Variants in SMG6 observed in about 807,000 individuals in gnomAD.
SMG6 encodes telomerase-binding protein EST1A.
Under a neutral mutation model 142.2 loss-of-function variants are expected in SMG6, and 66 were observed. The ratio of observed to expected loss-of-function variants is 0.46; its 90% CI spans 0.38 to 0.57. SMG6 has a LOEUF of 0.57. SMG6 is among the 20% of genes least tolerant of loss of function. The probability of loss-of-function intolerance (pLI) is 0.00; values close to 1 mark genes in which losing one functional copy is unlikely to be tolerated. For missense variants in SMG6, 1,793 were observed against 1,832.0 expected (o/e 0.98, Z 0.39); for synonymous variants, 779 against 702.4 (o/e 1.11, Z -1.72).
At chr17:2,259,673 CAA>C (rs11289865) in intron 8 of SMG6, among the ~76,000 whole-genome samples, 346 of 86,142 alleles carry the variant, frequency 4.0e-3, no homozygotes, top group South Asian at 7.1e-3. Flanking sequence ...ACCCTGTCTC[CAA>C]AAAAAAAAAA....
At chr17:2,184,268 T>C (rs1191698983) in intron 12 of SMG6, among the ~76,000 whole-genome samples, 3 of 147,416 alleles carry the variant, frequency 2.0e-5, no homozygotes, top group African/African-American at 7.6e-5. Context: ...GAGGCTGAGG[T>C]GGGAGAATCA....
intron 13 of SMG6, among the ~76,000 whole-genome samples, chr17:2,157,155 C>G (rs542977534): frequency 1.3e-5 from 2 of 152,274 alleles, no homozygotes; most frequent in African/African-American, 4.8e-5. Flanking sequence ...CAGTCTTACT[C>G]CAGACTGCAC....
chr17:2,129,897 T>G (rs1008183595), intron 13 of SMG6, among the ~76,000 whole-genome samples: 45 of 151,682 alleles, frequency 3.0e-4, no homozygotes, highest in African/African-American at 1.0e-3. Context: ...AGAATTTCTA[T>G]TATTATGGTT....
At chr17:2,233,826 C>T (rs905396205) in intron 10 of SMG6, among the ~76,000 whole-genome samples, 1 of 152,188 alleles carries the variant, frequency 6.6e-6, no homozygotes, top group Non-Finnish European at 1.5e-5. Flanking sequence ...CTCTGCTCGC[C>T]CCTGTCCCAA....
intron 9 of SMG6, among the ~76,000 whole-genome samples, chr17:2,242,452 C>A (rs1263204508): frequency 6.7e-6 from 1 of 149,090 alleles, no homozygotes; most frequent in Non-Finnish European, 1.5e-5. Context: ...ATGGCATGAA[C>A]CCGGGAGGCG....
intron 14 of SMG6, among the ~76,000 whole-genome samples, chr17:2,084,519 T>G (rs953891031): frequency 6.6e-6 from 1 of 152,188 alleles, no homozygotes; most frequent in South Asian, 2.1e-4. Context: ...AAGACTCTGC[T>G]GCTCTCAGGA....
At chr17:2,207,909 TC>T (rs1425801104) in intron 10 of SMG6, among the ~76,000 whole-genome samples, 2 of 152,204 alleles carry the variant, frequency 1.3e-5, no homozygotes, top group African/African-American at 4.8e-5. Flanking sequence ...CTGACCTGCT[TC>T]TGCCTGGCTC....
intron 13 of SMG6, among the ~76,000 whole-genome samples, chr17:2,163,922 T>C (rs1219559616): frequency 1.3e-5 from 2 of 149,418 alleles, no homozygotes; most frequent in Non-Finnish European, 3.0e-5. Context: ...AATTAGCCGG[T>C]GTGGTGGCAG....
At chr17:2,111,188 G>T (rs536197052) in intron 13 of SMG6, among the ~76,000 whole-genome samples, 14 of 142,186 alleles carry the variant, frequency 9.8e-5, no homozygotes, top group African/African-American at 3.8e-4. Flanking sequence ...CAATGCTCCT[G>T]TTCCCATGGA....
At chr17:2,109,705 T>C (rs2069255044) in intron 13 of SMG6, among the ~76,000 whole-genome samples, 1 of 152,234 alleles carries the variant, frequency 6.6e-6, no homozygotes, top group Non-Finnish European at 1.5e-5. Context: ...CTTTGAAGTA[T>C]AGTTTCAGTG....
intron 10 of SMG6, among the ~76,000 whole-genome samples, chr17:2,230,690 C>T (rs770782072): frequency 6.6e-6 from 1 of 152,114 alleles, no homozygotes; most frequent in African/African-American, 2.4e-5. Flanking sequence ...CAGAGAGTGC[C>T]GAGAGCAGTC....
chr17:2,272,278 C>T (rs760064844), intron 8 of SMG6, among the ~76,000 whole-genome samples: 9 of 152,164 alleles, frequency 5.9e-5, no homozygotes, highest in Non-Finnish European at 1.3e-4. Context: ...ACTCTCTTCC[C>T]ACTCTGCCCA....
rs143401803 is a variant in SMG6, at chr17:2,073,860, C to T, written c.3682-4929G>A. Among the ~76,000 whole-genome samples the T allele has an allele frequency of 3.5e-3, 539 of 152,048 alleles. 5 individuals are homozygous for T. The highest frequency in any genetic ancestry group is 0.019 in the East Asian group (99 of 5,098). ...TTGGGAGGCAGAGGTAGGCGGATCA[C>T]TTGAGGTCAGGAGTTTGAGACCAGC... On this transcript the variant is annotated intron_variant, in intron 15 of 18. Transcript: ENST00000263073.
At chr17:2,105,365 G>GT (rs1467939818) in intron 13 of SMG6, among the ~76,000 whole-genome samples, 1 of 151,564 alleles carries the variant, frequency 6.6e-6, no homozygotes, top group Non-Finnish European at 1.5e-5. Context: ...GGCCAACATG[G>GT]TGAAACCCAA....
intron 13 of SMG6, among the ~76,000 whole-genome samples, chr17:2,154,469 T>C (rs1258610964): frequency 6.6e-6 from 1 of 152,198 alleles, no homozygotes; most frequent in Non-Finnish European, 1.5e-5. Flanking sequence ...TTTATGCCCT[T>C]TGTCCTTCAA....
At chr17:2,258,658 G>A (rs542574362) in intron 8 of SMG6, among the ~76,000 whole-genome samples, 2 of 151,644 alleles carry the variant, frequency 1.3e-5, no homozygotes, top group East Asian at 3.9e-4. Flanking sequence ...AATTAGCTGG[G>A]CGTGGTGGTG....
intron 3 of SMG6, 31 bp from the exon 4 acceptor site, chr17:2,297,384 C>T (rs754045256): frequency 6.5e-7 from 1 of 1,534,308 alleles, no homozygotes; most frequent in Non-Finnish European, 8.9e-7. Flanking sequence ...ATGACTGAAT[C>T]AATCTATTCT....
intron 9 of SMG6, chr17:2,240,149 G>A (rs536917777): frequency 1.3e-5 from 2 of 152,126 alleles, no homozygotes; most frequent in African/African-American, 4.8e-5. Context: ...AGATACCATC[G>A]TTTTCGGGCT....
chr17:2,156,573 G>C (rs1331987794), intron 13 of SMG6, among the ~76,000 whole-genome samples: 1 of 152,120 alleles, frequency 6.6e-6, no homozygotes, highest in East Asian at 1.9e-4. Flanking sequence ...TGGGCACCCA[G>C]GTGCATCCCT....
Sources: gnomAD v4.1 joint callset for allele counts (sites outside exome capture counted in the v4.1 genomes callset) on GRCh38, gnomAD v4.1.1 for gene constraint, MANE v1.5 for transcripts, NCBI Gene and HGNC (gene_info 2026-07-23, HGNC 2026-07-21) for gene names.